The following MAML3 variants were observed in gnomAD, a reference collection of about 807,000 sequenced individuals.
MAML3 encodes the protein mastermind like transcriptional coactivator 3, also known as mastermind-like protein 3.
In MAML3, 27 loss-of-function variants were observed where a neutral mutation model predicts 101.9. The observed-to-expected ratio is 0.27, with a 90% CI of 0.20 to 0.37. The LOEUF (loss-of-function observed/expected upper bound fraction) is 0.37, where lower values mean the gene tolerates loss of function less well. Among genes scored for constraint, MAML3 ranks in the 10% least tolerant of loss-of-function variants. MAML3 has a pLI of 1.00. For synonymous variants in MAML3, 501 were observed against 555.9 expected (o/e 0.90, Z 1.39); for missense variants, 1,316 against 1,444.9 (o/e 0.91, Z 1.45).
chr4:139,934,903 A>C (rs1480339910), intron 1 of MAML3, among the ~76,000 whole-genome samples: 1 of 152,122 alleles, frequency 6.6e-6, no homozygotes, highest in African/African-American at 2.4e-5. Flanking sequence ...TGCTTGTTGA[A>C]TCTTGTGCCT....
chr4:140,013,385 A>C (rs1432000060), intron 1 of MAML3, among the ~76,000 whole-genome samples: 1 of 152,102 alleles, frequency 6.6e-6, no homozygotes, highest in Non-Finnish European at 1.5e-5. Flanking sequence ...GTTCTTTAAG[A>C]TGCAAGTGAT....
chr4:140,067,516 G>A (rs920568707), intron 1 of MAML3, among the ~76,000 whole-genome samples: 2 of 152,150 alleles, frequency 1.3e-5, no homozygotes, highest in African/African-American at 4.8e-5. Context: ...TTAAGGTGGG[G>A]AGGGGTATGG....
intron 1 of MAML3, among the ~76,000 whole-genome samples, chr4:139,960,119 G>T: frequency 6.6e-6 from 1 of 152,182 alleles, no homozygotes; most frequent in East Asian, 1.9e-4. Flanking sequence ...ATTGGGGGAG[G>T]AAGGTATGGA....
chr4:140,006,035 G>A (rs1377459830), intron 1 of MAML3, among the ~76,000 whole-genome samples: 1 of 152,184 alleles, frequency 6.6e-6, no homozygotes, highest in Non-Finnish European at 1.5e-5. Context: ...TCCTGACCTT[G>A]AATTTCGGGG....
chr4:139,946,782 T>C (rs1733734830), intron 1 of MAML3, among the ~76,000 whole-genome samples: 1 of 152,004 alleles, frequency 6.6e-6, no homozygotes, highest in Non-Finnish European at 1.5e-5. Context: ...GGTCATCAGT[T>C]CATTGAGGGT....
In MAML3 at chr4:140,059,138, A is replaced by T. The variant is rs552591938; in HGVS notation, c.468+93722T>A. Among the ~76,000 whole-genome samples, 11 of 152,186 alleles carry T rather than the reference A, an allele frequency of 7.2e-5. 1 individual carries two copies. In the South Asian group the frequency reaches 1.7e-3, roughly 23 times the overall value. On this transcript the variant is annotated intron_variant, in intron 1 of 4. Coordinates refer to ENST00000509479, the MANE Select transcript of MAML3 (RefSeq NM_018717.5). ...TTCTACTGGAGCTTTACTTTCATTTAAAAAAAATCTGTCTAAAAGAAGCAA... is the reference window on the plus strand; with the variant it reads ...TTCTACTGGAGCTTTACTTTCATTTTAAAAAAATCTGTCTAAAAGAAGCAA...
At position 139,828,732 on chromosome 4, in the gene MAML3, T is replaced by TAAAAA. The variant is rs529918429; in HGVS notation, c.2079+60620_2079+60624dup. Reference sequence around the variant, plus strand: ...CACTTCTTTTTTTTTTTTTTTTTTTTAAAAACATAGTTTTATTGTAATGAA... The same window carrying TAAAAA: ...CACTTCTTTTTTTTTTTTTTTTTTTTAAAAAAAAAACATAGTTTTATTGTAATGAA... On this transcript the variant is annotated intron_variant, in intron 2 of 4. Transcript: ENST00000509479. Among the ~76,000 whole-genome samples the TAAAAA allele has an allele frequency of 4.2e-3, 605 of 144,478 alleles. 4 individuals carry two copies. The highest frequency in any genetic ancestry group is 0.014 in the East Asian group (72 of 5,006). 94.8% of individuals were successfully genotyped at this position (144,478 alleles called of 152,430 possible).
chr4:139,952,389 T>C (rs975686670), intron 1 of MAML3, among the ~76,000 whole-genome samples: 6 of 152,124 alleles, frequency 3.9e-5, no homozygotes, highest in Admixed American at 1.3e-4. Flanking sequence ...GACCTGGGGT[T>C]ACACATGAGC....
intron 1 of MAML3, among the ~76,000 whole-genome samples, chr4:140,142,576 T>G (rs1728993925): frequency 6.6e-6 from 1 of 152,208 alleles, no homozygotes; most frequent in South Asian, 2.1e-4. Flanking sequence ...AAGATTGGCT[T>G]TTTAAATATA....
intron 1 of MAML3, among the ~76,000 whole-genome samples, chr4:140,116,545 C>T (rs571312403): frequency 6.6e-6 from 1 of 152,314 alleles, no homozygotes; most frequent in African/African-American, 2.4e-5. Context: ...AGCCAACTGC[C>T]TGGATTCAAT....
At chr4:139,987,542 T>A (rs1383520792) in intron 1 of MAML3, among the ~76,000 whole-genome samples, 2 of 152,172 alleles carry the variant, frequency 1.3e-5, no homozygotes, top group African/African-American at 4.8e-5. Context: ...GTTTCTAGCA[T>A]GTCAAAATAT....
chr4:139,914,727 A>G (rs1047702330), intron 1 of MAML3, among the ~76,000 whole-genome samples: 1 of 152,246 alleles, frequency 6.6e-6, no homozygotes, highest in African/African-American at 2.4e-5. Context: ...ACAAAAATCA[A>G]TTAAAAAGGA....
intron 1 of MAML3, among the ~76,000 whole-genome samples, chr4:139,932,563 C>T (rs1189572545): frequency 2.6e-5 from 4 of 152,260 alleles, no homozygotes; most frequent in Non-Finnish European, 5.9e-5. Context: ...GTTTTAAATG[C>T]CCCCCTTACA....
At chr4:140,143,923 T>A (rs888941276) in intron 1 of MAML3, among the ~76,000 whole-genome samples, 1 of 152,206 alleles carries the variant, frequency 6.6e-6, no homozygotes, top group African/African-American at 2.4e-5. Flanking sequence ...TCGCGGCACC[T>A]CTGCCTCTCT....
At chr4:139,911,806 C>T (rs113114908) in intron 1 of MAML3, among the ~76,000 whole-genome samples, 2,238 of 152,292 alleles carry the variant, frequency 0.015, 43 homozygotes, top group African/African-American at 0.051. Flanking sequence ...CCTCTCCAGA[C>T]AAGAATGTGC....
intron 1 of MAML3, among the ~76,000 whole-genome samples, chr4:140,076,784 C>T (rs528115865): frequency 4.3e-4 from 66 of 152,302 alleles, no homozygotes; most frequent in Middle Eastern, 6.8e-3. Context: ...GTTGCCATTT[C>T]CTGACTGGTG....
intron 2 of MAML3, among the ~76,000 whole-genome samples, chr4:139,798,888 C>A (rs1457497665): frequency 6.6e-6 from 1 of 152,170 alleles, no homozygotes; most frequent in Non-Finnish European, 1.5e-5. Context: ...TCCTGATGTC[C>A]TACCAGGCCC....
At chr4:140,085,069 G>A (rs569151284) in intron 1 of MAML3, among the ~76,000 whole-genome samples, 5 of 152,250 alleles carry the variant, frequency 3.3e-5, no homozygotes, top group African/African-American at 9.6e-5. Flanking sequence ...TGGCATCCCA[G>A]TATCTGCCCC....
At chr4:140,150,700 AAATT>A (rs1729143158) in intron 1 of MAML3, among the ~76,000 whole-genome samples, 2 of 152,154 alleles carry the variant, frequency 1.3e-5, no homozygotes, top group South Asian at 4.1e-4. Context: ...AGTGCCTCTT[AAATT>A]CTCAGTCTCA....
Sources: allele counts gnomAD v4.1 joint callset (sites outside exome capture counted in the v4.1 genomes callset), GRCh38; gene constraint gnomAD v4.1.1; transcripts MANE v1.5; gene names NCBI Gene and HGNC (gene_info 2026-07-23, HGNC 2026-07-21).